CRADD: variants seen among roughly 807,000 people sequenced by gnomAD.
CRADD encodes the protein CARD and death domain containing adaptor protein, also known as death domain-containing protein CRADD.
A neutral mutation model predicts 15.5 loss-of-function variants in CRADD; 9 were observed. The ratio of observed to expected loss-of-function variants is 0.58; its 90% CI spans 0.35 to 1.01. The LOEUF (loss-of-function observed/expected upper bound fraction) is 1.01. Among genes scored for constraint, CRADD ranks in the 50% least tolerant of loss-of-function variants. CRADD has a pLI of 0.02. For missense variants in CRADD, 227 were observed against 250.3 expected (o/e 0.91, Z 0.63); for synonymous variants, 118 against 107.6 (o/e 1.10, Z -0.60).
At position 93,707,352 on chromosome 12, in the gene CRADD, A is replaced by G. The variant is rs1421490965; in HGVS notation, c.298+28280A>G. On this transcript the variant is annotated intron_variant, in intron 2 of 2. Coordinates refer to ENST00000332896, the MANE Select transcript of CRADD (RefSeq NM_003805.5). ...ATGATTTTGTGGGTTAGGAATTAAG[A>G]AAGGGCTCAGCTGGGCAGTTTGTCT... Among the ~76,000 whole-genome samples, 9 of 152,218 alleles carry G rather than the reference A, an allele frequency of 5.9e-5. No homozygotes were observed. In the South Asian group the frequency reaches 1.2e-3, roughly 21 times the overall value.
At chr12:93,771,655 C>T (rs1957086522) in intron 2 of CRADD, among the ~76,000 whole-genome samples, 1 of 152,144 alleles carries the variant, frequency 6.6e-6, no homozygotes, top group Non-Finnish European at 1.5e-5. Flanking sequence ...ATGTCCTTTG[C>T]ACATTTAGGA....
At chr12:93,890,459 A>T (rs1366631416) in intron 2 of CRADD, among the ~76,000 whole-genome samples, 1 of 152,218 alleles carries the variant, frequency 6.6e-6, no homozygotes, top group Non-Finnish European at 1.5e-5. Context: ...AAGTAATTTT[A>T]AAAAATGAAA....
chr12:93,704,802 C>T (rs1955909913), intron 2 of CRADD, among the ~76,000 whole-genome samples: 1 of 152,182 alleles, frequency 6.6e-6, no homozygotes, highest in Non-Finnish European at 1.5e-5. Flanking sequence ...CTCCCTGTAG[C>T]CCAGCACAGG....
Position 93,823,022 on chromosome 12 carries a change from C to T in CRADD, c.299-26948C>T, listed in dbSNP as rs565915203. Among the ~76,000 whole-genome samples the T allele has an allele frequency of 7.9e-5, 12 of 152,310 alleles. 1 individual carries two copies. The highest frequency in any genetic ancestry group is 4.1e-4 in the South Asian group (2 of 4,826). ...AGAATATGCTCGCATTGGCCGGGCA[C>T]GGTGGCTCATGCCTGTAATCCCAGC... is the stretch of plus-strand genomic sequence containing the variant. On this transcript the variant is annotated intron_variant, in intron 2 of 2. Transcript: ENST00000332896.
intron 2 of CRADD, among the ~76,000 whole-genome samples, chr12:93,727,205 G>A (rs1956383464): frequency 6.6e-6 from 1 of 152,154 alleles, no homozygotes; most frequent in Non-Finnish European, 1.5e-5. Flanking sequence ...TTCCAGATGT[G>A]CATTTGAATA....
intron 2 of CRADD, among the ~76,000 whole-genome samples, chr12:93,706,980 A>G (rs1955965347): frequency 6.6e-6 from 1 of 152,234 alleles, no homozygotes; most frequent in Admixed American, 6.5e-5. Context: ...GACCTCTACA[A>G]TCCAAATGGA....
intron 2 of CRADD, among the ~76,000 whole-genome samples, chr12:93,873,822 G>T (rs924575396): frequency 5.3e-5 from 8 of 151,974 alleles, no homozygotes; most frequent in African/African-American, 1.7e-4. Flanking sequence ...TTCGTGTTTT[G>T]TTGAGGATTT....
intron 2 of CRADD, among the ~76,000 whole-genome samples, chr12:93,822,525 A>C (rs1565927530): frequency 6.6e-6 from 1 of 152,166 alleles, no homozygotes; most frequent in Non-Finnish European, 1.5e-5. Context: ...ACCTCATCCT[A>C]GTGGTGATCC....
At chr12:93,763,245 G>C (rs1276653285) in intron 2 of CRADD, among the ~76,000 whole-genome samples, 17 of 152,144 alleles carry the variant, frequency 1.1e-4, no homozygotes, top group Admixed American at 1.1e-3. Flanking sequence ...TGGATCTAAA[G>C]CTCTTGGTTC....
chr12:93,737,300 G>A (rs1956588395), intron 2 of CRADD, among the ~76,000 whole-genome samples: 1 of 152,098 alleles, frequency 6.6e-6, no homozygotes, highest in African/African-American at 2.4e-5. Context: ...ACTCTCTTTG[G>A]AGTCCCCAAA....
chr12:93,888,337 A>G (rs1478754216), intron 2 of CRADD, among the ~76,000 whole-genome samples: 1 of 151,028 alleles, frequency 6.6e-6, no homozygotes, highest in East Asian at 2.0e-4. Context: ...AGGTGGGAGA[A>G]TGGCATGAAC....
chr12:93,834,221 A>C (rs564814895), intron 2 of CRADD, among the ~76,000 whole-genome samples: 12 of 152,330 alleles, frequency 7.9e-5, no homozygotes, highest in African/African-American at 2.9e-4. Context: ...TTTTAACCAT[A>C]GATTACTTAG....
chr12:93,755,605 C>T (rs1458117589), intron 2 of CRADD, among the ~76,000 whole-genome samples: 4 of 152,144 alleles, frequency 2.6e-5, no homozygotes, highest in Admixed American at 6.5e-5. Flanking sequence ...TGTTTGTCTG[C>T]CCCACAGGCG....
chr12:93,846,980 G>A (rs1958129672), intron 2 of CRADD, among the ~76,000 whole-genome samples: 2 of 152,178 alleles, frequency 1.3e-5, no homozygotes, highest in Admixed American at 6.5e-5. Flanking sequence ...GTAGGCACCT[G>A]TAGTCCCAGC....
intron 2 of CRADD, among the ~76,000 whole-genome samples, chr12:93,884,550 G>T (rs761738001): frequency 9.9e-5 from 15 of 152,188 alleles, no homozygotes; most frequent in Non-Finnish European, 1.6e-4. Context: ...GGAAGTTCAC[G>T]GAATTTGCAG....
intron 2 of CRADD, among the ~76,000 whole-genome samples, chr12:93,709,240 G>A (rs1956015446): frequency 6.6e-6 from 1 of 152,216 alleles, no homozygotes; most frequent in Non-Finnish European, 1.5e-5. Flanking sequence ...TGCACAGGAA[G>A]TGATTTATTT....
chr12:93,766,789 G>T (rs972147091), intron 2 of CRADD, among the ~76,000 whole-genome samples: 7 of 152,190 alleles, frequency 4.6e-5, no homozygotes, highest in Admixed American at 3.3e-4. Context: ...TTTCTATTTG[G>T]AATGTAAGCT....
chr12:93,686,044 A>G (rs1955426173), intron 2 of CRADD, among the ~76,000 whole-genome samples: 2 of 143,956 alleles, frequency 1.4e-5, no homozygotes, highest in African/African-American at 2.6e-5. Context: ...TCATGCCTGT[A>G]ATCCCTACAC....
At chr12:93,851,315 G>A (rs1958219235), downstream of CRADD, among the ~76,000 whole-genome samples, 1 of 152,162 alleles carries the variant, frequency 6.6e-6, no homozygotes, top group Admixed American at 6.5e-5. Flanking sequence ...CGGCTCCTGA[G>A]CCTTTCCAAC....
Sources: allele counts gnomAD v4.1 joint callset (sites outside exome capture counted in the v4.1 genomes callset), GRCh38; gene constraint gnomAD v4.1.1; transcripts MANE v1.5; gene names NCBI Gene and HGNC (gene_info 2026-07-23, HGNC 2026-07-21).